The following EPHA5 variants were observed in gnomAD, a reference collection of about 807,000 sequenced individuals.
The protein encoded by EPHA5 is EPH receptor A5, also known as ephrin type-A receptor 5.
Under a neutral mutation model 105.0 loss-of-function variants are expected in EPHA5, and 60 were observed. The ratio of observed to expected loss-of-function variants is 0.57; its 90% CI spans 0.46 to 0.71. The LOEUF (loss-of-function observed/expected upper bound fraction) is 0.71. Among genes scored for constraint, EPHA5 ranks in the 30% least tolerant of loss-of-function variants. The probability of loss-of-function intolerance (pLI) is 0.00; values close to 1 mark genes in which losing one functional copy is unlikely to be tolerated. For missense variants in EPHA5, 1,218 were observed against 1,274.7 expected, an observed-to-expected ratio of 0.96 and a Z score of 0.68; for synonymous variants, 513 against 449.1, an observed-to-expected ratio of 1.14 and a Z score of -1.80.
At chr4:65,403,373 T>C (rs377378145) in intron 8 of EPHA5, among the ~76,000 whole-genome samples, 21 of 146,806 alleles carry the variant, frequency 1.4e-4, no homozygotes, top group African/African-American at 4.9e-4. Context: ...TCCTGTCTTT[T>C]TTTTTGGACC....
intron 3 of EPHA5, among the ~76,000 whole-genome samples, chr4:65,545,176 T>C (rs937656660): frequency 6.6e-5 from 10 of 151,972 alleles, no homozygotes; most frequent in Non-Finnish European, 1.5e-4. Flanking sequence ...TAACTGAAAG[T>C]AATATGACAT....
At chr4:65,621,267 T>C (rs369370990) in intron 2 of EPHA5, among the ~76,000 whole-genome samples, 14 of 152,282 alleles carry the variant, frequency 9.2e-5, no homozygotes, top group African/African-American at 3.4e-4. Context: ...TTTGACAATA[T>C]GCACCAGCTG....
intron 3 of EPHA5, among the ~76,000 whole-genome samples, chr4:65,600,045 CAAAT>C (rs1743564224): frequency 1.3e-5 from 2 of 151,954 alleles, no homozygotes; most frequent in South Asian, 4.2e-4. Flanking sequence ...AACAAACAAC[CAAAT>C]AGAGTACGTT....
intron 2 of EPHA5, among the ~76,000 whole-genome samples, chr4:65,609,883 C>CATAT (rs200136808): frequency 1.3e-5 from 2 of 151,596 alleles, no homozygotes; most frequent in African/African-American, 2.4e-5. Context: ...ACCCAAAAAG[C>CATAT]ATATATATAG....
chr4:65,347,459 C>T (rs914882699), intron 14 of EPHA5, among the ~76,000 whole-genome samples: 11 of 152,104 alleles, frequency 7.2e-5, no homozygotes, highest in South Asian at 2.1e-4. Flanking sequence ...ACATAATAAA[C>T]GCTGTGAATT....
chr4:65,652,335 T>C (rs1365095789), intron 1 of EPHA5, among the ~76,000 whole-genome samples: 1 of 152,208 alleles, frequency 6.6e-6, no homozygotes, highest in Non-Finnish European at 1.5e-5. Flanking sequence ...ATAATTTTAC[T>C]TTGAGGGCCT....
At chr4:65,593,203 T>A (rs75071891) in intron 3 of EPHA5, among the ~76,000 whole-genome samples, 5,257 of 152,194 alleles carry the variant, frequency 0.035, 280 homozygotes, top group African/African-American at 0.12. Context: ...GTTCTAATAC[T>A]GTCAAAAATT....
intron 5 of EPHA5, among the ~76,000 whole-genome samples, chr4:65,432,769 T>C (rs1725102396): frequency 6.6e-6 from 1 of 151,930 alleles, no homozygotes; most frequent in Admixed American, 6.6e-5. Flanking sequence ...AATCACTTTC[T>C]ACTACTGCTT....
chr4:65,405,257 A>C (rs1722250749), intron 7 of EPHA5, among the ~76,000 whole-genome samples: 1 of 129,836 alleles, frequency 7.7e-6, no homozygotes, highest in East Asian at 2.4e-4. Flanking sequence ...TTTTGTGCTG[A>C]TAACTAATCT....
In EPHA5 at chr4:65,406,514, TCC is replaced by T. The variant is rs753885708; in HGVS notation, c.1688-2037_1688-2036del. On this transcript the variant is annotated intron_variant, in intron 7 of 16. Coordinates refer to ENST00000613740, the MANE Select transcript of EPHA5 (RefSeq NM_001281766.3). ...CAGTTCTGATGGCTTCATATTCTCTTCCCACAGCAATGTATGAATGATTCTTC... is the reference window on the plus strand; with the variant it reads ...CAGTTCTGATGGCTTCATATTCTCTTCACAGCAATGTATGAATGATTCTTC... Among the ~76,000 whole-genome samples the T allele has an allele frequency of 2.5e-3, 376 of 152,230 alleles. 4 individuals carry two copies. Among genetic ancestry groups the T allele is most frequent in the Non-Finnish European group, 3.8e-3 (257 of 68,010 alleles).
intron 3 of EPHA5, among the ~76,000 whole-genome samples, chr4:65,543,856 G>A (rs1007390015): frequency 1.3e-5 from 2 of 151,998 alleles, no homozygotes; most frequent in African/African-American, 2.4e-5. Context: ...AAACAGCATG[G>A]TACTGGTACC....
intron 5 of EPHA5, among the ~76,000 whole-genome samples, chr4:65,475,895 C>T (rs1729748472): frequency 6.6e-6 from 1 of 152,086 alleles, no homozygotes; most frequent in Admixed American, 6.6e-5. Context: ...AAGAAGATAG[C>T]ATTAACAAAA....
intron 3 of EPHA5, among the ~76,000 whole-genome samples, chr4:65,520,686 A>AAAAC (rs1734608029): frequency 6.6e-6 from 1 of 151,554 alleles, no homozygotes; most frequent in Non-Finnish European, 1.5e-5. Flanking sequence ...TACAAGAAAA[A>AAAAC]AAACAACCCC....
At position 65,324,099 on chromosome 4, in the gene EPHA5, G is replaced by A. The variant is rs370996010; in HGVS notation, c.*15C>T. On this transcript the variant is annotated 3_prime_UTR_variant, in exon 17 of 17. Transcript: ENST00000613740. ...TGCAGAATCATTCACTTGAAGAAGC[G>A]ACATTTACATGAAGTTACAATGGCA... The A allele has an allele frequency of 2.4e-5, 37 of 1,563,848 alleles. No homozygotes were observed. Among genetic ancestry groups the A allele is most frequent in the African/African-American group, 4.1e-5 (3 of 73,428 alleles).
At chr4:65,368,648 G>A (rs1718158454) in intron 8 of EPHA5, among the ~76,000 whole-genome samples, 1 of 152,042 alleles carries the variant, frequency 6.6e-6, no homozygotes. Flanking sequence ...AACTCTACTA[G>A]ACATGGCTAT....
At chr4:65,433,911 G>A (rs1490296231) in intron 5 of EPHA5, among the ~76,000 whole-genome samples, 3 of 152,022 alleles carry the variant, frequency 2.0e-5, no homozygotes, top group Admixed American at 6.6e-5. Context: ...AGGCGTCGTG[G>A]CAGGCTCCTG....
chr4:65,634,656 T>C (rs1013749815), intron 2 of EPHA5, among the ~76,000 whole-genome samples: 2 of 152,078 alleles, frequency 1.3e-5, no homozygotes, highest in Admixed American at 1.3e-4. Context: ...ATATTGGCAT[T>C]TGCATTATAT....
chr4:65,575,385 C>T (rs1740792173), intron 3 of EPHA5, among the ~76,000 whole-genome samples: 1 of 152,140 alleles, frequency 6.6e-6, no homozygotes, highest in Non-Finnish European at 1.5e-5. Context: ...GTTCTCTCTA[C>T]CTACTACTTT....
At position 65,425,045 on chromosome 4, in the gene EPHA5, A is replaced by T. The variant is rs113061852; in HGVS notation, c.1403-4480T>A. On this transcript the variant is annotated intron_variant, in intron 5 of 16. Transcript: ENST00000613740. ...CAAGTATTGGTTACTTGTATTTAAA[A>T]AAATAAATAAATAAAACTCCATGCA... is the stretch of plus-strand genomic sequence containing the variant. 1.4e-3 allele frequency among the ~76,000 whole-genome samples: 214 copies of T among 152,224 alleles called. 1 individual carries two copies. Among genetic ancestry groups the T allele is most frequent in the African/African-American group, 4.9e-3 (202 of 41,558 alleles).
Sources: allele counts gnomAD v4.1 joint callset (sites outside exome capture counted in the v4.1 genomes callset), GRCh38; gene constraint gnomAD v4.1.1; transcripts MANE v1.5; gene names NCBI Gene and HGNC (gene_info 2026-07-23, HGNC 2026-07-21).